Variants in TLL2 observed in about 807,000 individuals in gnomAD.
TLL2 encodes the protein tolloid-like protein 2.
TLL2 carries 106 observed loss-of-function variants against 123.0 expected under a neutral mutation model. The ratio of observed to expected loss-of-function variants is 0.86; its 90% CI spans 0.74 to 1.01. The LOEUF (loss-of-function observed/expected upper bound fraction) is 1.01, where lower values mean the gene tolerates loss of function less well. Among genes scored for constraint, TLL2 ranks in the 50% least tolerant of loss-of-function variants. The pLI is 0.00. For missense variants in TLL2, 1,332 were observed against 1,336.7 expected, an observed-to-expected ratio of 1.00 and a Z score of 0.06; for synonymous variants, 494 against 516.8, an observed-to-expected ratio of 0.96 and a Z score of 0.60.
intron 2 of TLL2, among the ~76,000 whole-genome samples, chr10:96,452,950 A>G (rs190777680): frequency 7.2e-5 from 11 of 152,358 alleles, no homozygotes; most frequent in African/African-American, 2.4e-4. Context: ...ATTCAATGCC[A>G]AGTAACTTTT....
At chr10:96,488,914 C>T (rs1004749096) in intron 1 of TLL2, among the ~76,000 whole-genome samples, 2 of 152,202 alleles carry the variant, frequency 1.3e-5, no homozygotes, top group Non-Finnish European at 2.9e-5. Flanking sequence ...CCAAAGGCTG[C>T]TGTGGGAACC....
At chr10:96,378,506 C>T (rs1322197276) in intron 17 of TLL2, among the ~76,000 whole-genome samples, 1 of 152,222 alleles carries the variant, frequency 6.6e-6, no homozygotes, top group Non-Finnish European at 1.5e-5. Flanking sequence ...ACATAAATGG[C>T]TGATCTTTAT....
chr10:96,450,071 A>G (rs374341473), intron 2 of TLL2, among the ~76,000 whole-genome samples: 1 of 152,118 alleles, frequency 6.6e-6, no homozygotes, highest in Non-Finnish European at 1.5e-5. Context: ...AATACCCAGC[A>G]CCAGACCTGG....
intron 1 of TLL2, among the ~76,000 whole-genome samples, chr10:96,510,789 T>C (rs946994084): frequency 6.6e-6 from 1 of 152,210 alleles, no homozygotes. Context: ...CCAAAGATCA[T>C]AGACTCATAG....
intron 4 of TLL2, among the ~76,000 whole-genome samples, chr10:96,432,195 G>T (rs1246024764): frequency 3.3e-5 from 5 of 152,112 alleles, no homozygotes; most frequent in African/African-American, 7.2e-5. Context: ...CACTCTAAGC[G>T]CTTTATCTAT....
In TLL2 at chr10:96,446,081, C is replaced by T; in HGVS notation, c.364+10G>A. 1 of 1,614,020 alleles carries T rather than the reference C, an allele frequency of 6.2e-7. No individual in the cohort carries two copies. The highest frequency in any genetic ancestry group is 8.5e-7 in the Non-Finnish European group (1 of 1,179,932). ...AAGGTACCCAAAGACCTGGTGAGGGCTCACATTACCCTTTCCAGCTTCCTT... is the reference window on the plus strand; with the variant it reads ...AAGGTACCCAAAGACCTGGTGAGGGTTCACATTACCCTTTCCAGCTTCCTT... On this transcript the variant is annotated intron_variant, in intron 3 of 20. Transcript: ENST00000357947.
intron 1 of TLL2, among the ~76,000 whole-genome samples, chr10:96,503,267 G>A (rs114390663): frequency 0.014 from 2,201 of 152,064 alleles, 47 homozygotes; most frequent in South Asian, 0.059. Flanking sequence ...TCTAAAATAG[G>A]GAATAATACT....
At chr10:96,369,778 G>A (rs923363360) in intron 20 of TLL2, among the ~76,000 whole-genome samples, 2 of 151,868 alleles carry the variant, frequency 1.3e-5, no homozygotes, top group Admixed American at 1.3e-4. Context: ...AAAAAAAGGA[G>A]GGGAGAGGGA....
rs1423605547 is a variant in TLL2 at position 96,432,938 on chromosome 10, A to G, written c.389T>C (p.Leu130Pro). The G allele has an allele frequency of 1.9e-6, 3 of 1,613,884 alleles. No homozygotes were observed. Among genetic ancestry groups the G allele is most frequent in the Non-Finnish European group, 8.5e-7 (1 of 1,179,944 alleles). Residue 130 changes from leucine to proline, a missense_variant, in exon 4 of 21, where the codon CTG (leucine) becomes CCG (proline). Coordinates refer to ENST00000357947, the MANE Select transcript of TLL2 (RefSeq NM_012465.4). ...GGCATGCAAGGTCCCAGGGCTGTGC[A>G]GGAGTGTGGTATTCTCCCGGCCATC... ...GKDGRENTTL[L>P]HSPGTLHAAA...
At chr10:96,482,937 T>A (rs924163060) in intron 1 of TLL2, among the ~76,000 whole-genome samples, 1 of 152,194 alleles carries the variant, frequency 6.6e-6, no homozygotes, top group Non-Finnish European at 1.5e-5. Context: ...AAACTAAGAA[T>A]GTGTTTCTCT....
intron 15 of TLL2, 33 bp downstream of exon 15, chr10:96,386,022 C>T (rs972528578): frequency 3.9e-6 from 6 of 1,539,776 alleles, no homozygotes; most frequent in Admixed American, 1.9e-5. Context: ...CCCCTCAATA[C>T]AGTCCCCAAT....
intron 2 of TLL2, among the ~76,000 whole-genome samples, chr10:96,460,726 A>C (rs1847073521): frequency 6.6e-6 from 1 of 152,218 alleles, no homozygotes; most frequent in African/African-American, 2.4e-5. Flanking sequence ...AGCCTGTGGA[A>C]CTATGAGTCA....
intron 3 of TLL2, among the ~76,000 whole-genome samples, chr10:96,435,141 C>T (rs1175944884): frequency 6.6e-6 from 1 of 151,114 alleles, no homozygotes; most frequent in Non-Finnish European, 1.5e-5. Flanking sequence ...ATGCCATTCT[C>T]CTGCCTCAGC....
intron 2 of TLL2, among the ~76,000 whole-genome samples, chr10:96,464,056 C>T (rs942656385): frequency 6.6e-6 from 1 of 152,132 alleles, no homozygotes; most frequent in African/African-American, 2.4e-5. Context: ...TGAATGGAGA[C>T]CTTTTCTGTA....
chr10:96,397,120 T>C lies in TLL2; in HGVS notation c.1384+66A>G, dbSNP rs973545333. 2.8e-6 allele frequency: 4 copies of C among 1,432,658 alleles called. No individual in the cohort carries two copies. In the African/African-American group the frequency reaches 4.3e-5, roughly 15 times the overall value. 88.7% of individuals were successfully genotyped at this position (1,432,658 alleles called of 1,614,324 possible). Reference sequence around the variant, plus strand: ...AGTGTCTGGGCTGGGAGAGGGACAGTGGGCTGCCTGGGAAGGACAGAGCTT... The same window carrying C: ...AGTGTCTGGGCTGGGAGAGGGACAGCGGGCTGCCTGGGAAGGACAGAGCTT... On this transcript the variant is annotated intron_variant, in intron 11 of 20. Transcript: ENST00000357947.
At chr10:96,439,058 A>AT (rs1185802453) in intron 3 of TLL2, among the ~76,000 whole-genome samples, 7 of 19,716 alleles carry the variant, frequency 3.6e-4, no homozygotes, top group African/African-American at 4.1e-4. Flanking sequence ...TTCATTTGCT[A>AT]ATTTTTTTAA....
chr10:96,426,924 A>G (rs982620153), intron 5 of TLL2, among the ~76,000 whole-genome samples: 1 of 152,042 alleles, frequency 6.6e-6, no homozygotes, highest in Non-Finnish European at 1.5e-5. Context: ...GGTTGTAAGT[A>G]TTTATTTTTA....
chr10:96,407,954 C>T (rs998684820), intron 9 of TLL2, among the ~76,000 whole-genome samples: 2 of 152,240 alleles, frequency 1.3e-5, no homozygotes, highest in Non-Finnish European at 2.9e-5. Context: ...ACCCTACTTG[C>T]ACATTAAAAT....
chr10:96,390,755 T>C (rs569569253), intron 13 of TLL2, among the ~76,000 whole-genome samples: 11 of 152,334 alleles, frequency 7.2e-5, no homozygotes, highest in African/African-American at 2.6e-4. Flanking sequence ...CTGGGGAAGC[T>C]GGCTGGGTAC....
Sources: gnomAD v4.1 joint callset for allele counts (sites outside exome capture counted in the v4.1 genomes callset) on GRCh38, gnomAD v4.1.1 for gene constraint, MANE v1.5 for transcripts, NCBI Gene and HGNC (gene_info 2026-07-23, HGNC 2026-07-21) for gene names.